Variants in JAM3 observed in about 807,000 individuals in gnomAD.
The protein encoded by JAM3 is junctional adhesion molecule 3.
In JAM3, 31 loss-of-function variants were observed where a neutral mutation model predicts 39.4. The ratio of observed to expected loss-of-function variants is 0.79; its 90% CI spans 0.59 to 1.06. JAM3 has a LOEUF of 1.06. Ranked by LOEUF, JAM3 falls within the 50% of genes least tolerant of loss-of-function variation. The pLI, the probability that JAM3 is intolerant of heterozygous loss-of-function variation, is 0.00. For synonymous variants in JAM3, 182 were observed against 148.7 expected (o/e 1.22, Z -1.63); for missense variants, 455 against 391.4 (o/e 1.16, Z -1.37).
Position 134,139,882 on chromosome 11 carries a change from C to T in JAM3, c.108C>T (p.Ser36=). The change falls in exon 2 of 9, where the codon TCC becomes TCT. Residue 36 remains serine (S), a synonymous_variant. Coordinates refer to ENST00000299106, the MANE Select transcript of JAM3 (RefSeq NM_032801.5). The stretch of plus-strand genomic sequence containing the variant: ...TGATAGGGGCTGTAAATCTCAAATC[C>T]AGCAATCGAACCCCAGTGGTACAGG... The part of the protein sequence containing the change: ...GCLIGAVNLK[S]SNRTPVVQEF... The T allele has an allele frequency of 6.2e-7, 1 of 1,613,988 alleles. No homozygotes were observed. The highest frequency in any genetic ancestry group is 1.1e-5 in the South Asian group (1 of 91,082).
At chr11:134,116,617 T>A (rs575720389) in intron 1 of JAM3, among the ~76,000 whole-genome samples, 29 of 152,246 alleles carry the variant, frequency 1.9e-4, no homozygotes, top group African/African-American at 6.7e-4. Context: ...ATCTTGTATT[T>A]TCCCTGTCCT....
intron 1 of JAM3, among the ~76,000 whole-genome samples, chr11:134,112,566 T>A (rs751947352): frequency 3.3e-4 from 51 of 152,350 alleles, no homozygotes; most frequent in African/African-American, 5.3e-4. Context: ...TAACATTTCC[T>A]GCAGTATATA....
chr11:134,126,109 C>CT (rs2120796736), intron 1 of JAM3, among the ~76,000 whole-genome samples: 1 of 152,298 alleles, frequency 6.6e-6, no homozygotes, highest in African/African-American at 2.4e-5. Flanking sequence ...CATCCCTTCC[C>CT]TGTCCCACCC....
chr11:134,098,739 G>A (rs1942026327), intron 1 of JAM3, among the ~76,000 whole-genome samples: 1 of 152,120 alleles, frequency 6.6e-6, no homozygotes, highest in Non-Finnish European at 1.5e-5. Context: ...CTTCCTAAGG[G>A]TGATTTCAGA....
intron 1 of JAM3, among the ~76,000 whole-genome samples, chr11:134,105,217 A>T (rs1942159826): frequency 6.6e-6 from 1 of 152,190 alleles, no homozygotes; most frequent in African/African-American, 2.4e-5. Flanking sequence ...ATCAATAAAC[A>T]TCATCCGGCA....
chr11:134,124,917 G>A (rs907868482), intron 1 of JAM3, among the ~76,000 whole-genome samples: 2 of 152,214 alleles, frequency 1.3e-5, no homozygotes, highest in African/African-American at 2.4e-5. Context: ...AGCGGGGACC[G>A]GGCATTGAAG....
At position 134,082,403 on chromosome 11, in the gene JAM3, T is replaced by A. The variant is rs1200635009; in HGVS notation, c.76+13244T>A. Among the ~76,000 whole-genome samples, 3 of 152,146 alleles carry A rather than the reference T, an allele frequency of 2.0e-5. No individual in the cohort carries two copies. The East Asian group carries it at 5.8e-4, about 29-fold the overall frequency. ...GGGAGGGGCCAGGGGTGGAATGATA[T>A]GGTTTGGCTCTGTGTTCCCACCCAA... is the stretch of plus-strand genomic sequence containing the variant. On this transcript the variant is annotated intron_variant, in intron 1 of 8. Transcript: ENST00000299106.
chr11:134,137,710 G>C (rs11223711), intron 1 of JAM3, among the ~76,000 whole-genome samples: 1 of 116,782 alleles, frequency 8.6e-6, no homozygotes, highest in Non-Finnish European at 1.8e-5. Flanking sequence ...TTTATGGCCA[G>C]TAGTCCCTTA....
rs375860093 is a variant in JAM3, at chr11:134,095,573, G to A, written c.76+26414G>A. Reference sequence around the variant, plus strand: ...TTGAACCTGGGAGTCGGAGGTTGTAGTGAGCCGAGATCGCGCCACTGCACT... The same window carrying A: ...TTGAACCTGGGAGTCGGAGGTTGTAATGAGCCGAGATCGCGCCACTGCACT... On this transcript the variant is annotated intron_variant, in intron 1 of 8. Coordinates refer to ENST00000299106, the MANE Select transcript of JAM3 (RefSeq NM_032801.5). 6.6e-3 allele frequency among the ~76,000 whole-genome samples: 999 copies of A among 151,702 alleles called. 10 individuals are homozygous for A. The highest frequency in any genetic ancestry group is 0.023 in the African/African-American group (936 of 41,302).
At chr11:134,113,642 G>T (rs529397747) in intron 1 of JAM3, among the ~76,000 whole-genome samples, 2 of 152,054 alleles carry the variant, frequency 1.3e-5, no homozygotes, top group African/African-American at 4.8e-5. Flanking sequence ...GAATAGTGCC[G>T]CAATAAACAT....
At chr11:134,117,393 C>A (rs540712063) in intron 1 of JAM3, among the ~76,000 whole-genome samples, 167 of 147,516 alleles carry the variant, frequency 1.1e-3, no homozygotes, top group Non-Finnish European at 2.0e-3. Context: ...AAAAGAAAAA[C>A]AATCCAAATT....
At chr11:134,079,830 T>C (rs1412230826) in intron 1 of JAM3, among the ~76,000 whole-genome samples, 7 of 152,224 alleles carry the variant, frequency 4.6e-5, no homozygotes, top group African/African-American at 1.7e-4. Flanking sequence ...TATAATTGCA[T>C]TTGAAGGTTT....
chr11:134,091,032 C>G (rs921949474), intron 1 of JAM3, among the ~76,000 whole-genome samples: 17 of 152,100 alleles, frequency 1.1e-4, no homozygotes, highest in African/African-American at 3.9e-4. Context: ...GCTAAGATTC[C>G]TACAGGGTTC....
At chr11:134,097,664 A>G (rs1164753312) in intron 1 of JAM3, among the ~76,000 whole-genome samples, 1 of 152,162 alleles carries the variant, frequency 6.6e-6, no homozygotes, top group Non-Finnish European at 1.5e-5. Context: ...AAAACAATTT[A>G]AAATTATGTT....
chr11:134,114,048 T>G (rs1942373854), intron 1 of JAM3, among the ~76,000 whole-genome samples: 1 of 152,118 alleles, frequency 6.6e-6, no homozygotes, highest in Non-Finnish European at 1.5e-5. Context: ...TTGTTTGTTT[T>G]TTTCTTGTAA....
chr11:134,129,336 T>A (rs1201281566), intron 1 of JAM3, among the ~76,000 whole-genome samples: 1 of 152,102 alleles, frequency 6.6e-6, no homozygotes, highest in Admixed American at 6.6e-5. Context: ...CAGGATGGTC[T>A]CAATCTCCTG....
intron 1 of JAM3, among the ~76,000 whole-genome samples, chr11:134,134,984 T>A (rs1275846388): frequency 6.6e-6 from 1 of 152,164 alleles, no homozygotes; most frequent in Non-Finnish European, 1.5e-5. Flanking sequence ...TGTCCTTTGA[T>A]GTTTAAATTT....
chr11:134,146,278 G>A lies in JAM3; in HGVS notation c.712+233G>A, dbSNP rs58925654. Among the ~76,000 whole-genome samples the A allele has an allele frequency of 8.8e-3, 1,337 of 152,250 alleles. 20 individuals are homozygous for A. Among genetic ancestry groups the A allele is most frequent in the African/African-American group, 0.03 (1,239 of 41,528 alleles). On this transcript the variant is annotated intron_variant, in intron 6 of 8. Transcript: ENST00000299106. ...TCTGGGATCTGCTGGTGTTGGGAAC[G>A]TGGCCAGCCTTGCAACTTTCACTGC... is the stretch of plus-strand genomic sequence containing the variant.
Position 134,148,639 on chromosome 11 carries a change from C to T in JAM3, c.805C>T (p.Arg269Cys), listed in dbSNP as rs1161241107. 8 of 1,614,000 alleles carry T rather than the reference C, an allele frequency of 5.0e-6. No individual in the cohort carries two copies. Among genetic ancestry groups the T allele is most frequent in the East Asian group, 2.2e-5 (1 of 44,896 alleles). ...GTTGGGCATCTGCTGTGCATACAGA[C>T]GTGGCTACTTCATCAACAATAAACA... is the stretch of plus-strand genomic sequence containing the variant. ...ITLGICCAYR[R>C]GYFINNKQDG... Residue 269 changes from arginine to cysteine, a missense_variant, in exon 7 of 9, where the codon CGT becomes TGT. Arg to Cys is a radical substitution (Grantham distance 180, BLOSUM62 -3). Transcript: ENST00000299106.
Sources: allele counts gnomAD v4.1 joint callset (sites outside exome capture counted in the v4.1 genomes callset), GRCh38; gene constraint gnomAD v4.1.1; transcripts MANE v1.5; gene names NCBI Gene and HGNC (gene_info 2026-07-23, HGNC 2026-07-21).